The following FBLN5 variants were observed in gnomAD, a reference collection of about 807,000 sequenced individuals.
FBLN5 encodes fibulin-5.
FBLN5 carries 24 observed loss-of-function variants against 61.6 expected under a neutral mutation model. That is an observed-to-expected ratio of 0.39 (90% CI 0.28 to 0.55). The LOEUF (loss-of-function observed/expected upper bound fraction) is 0.55, where lower values mean the gene tolerates loss of function less well. FBLN5 is among the 20% of genes least tolerant of loss of function. The pLI is 0.65. For synonymous variants in FBLN5, 213 were observed against 219.8 expected (o/e 0.97, Z 0.27); for missense variants, 470 against 594.1 (o/e 0.79, Z 2.17).
intron 4 of FBLN5, among the ~76,000 whole-genome samples, chr14:91,898,138 A>C (rs1477239079): frequency 6.6e-6 from 1 of 152,166 alleles, no homozygotes. Flanking sequence ...TTTAACTTTC[A>C]CTAACTTGTT....
At chr14:91,887,445 CA>C (rs1442159677) in intron 6 of FBLN5, 133 bp from the exon 7 acceptor site, 1 of 922,340 alleles carries the variant, frequency 1.1e-6, no homozygotes, top group African/African-American at 1.6e-5. Context: ...GCTCTCCACC[CA>C]GGACCTTTGG....
At chr14:91,923,842 G>C (rs1400340916) in intron 4 of FBLN5, among the ~76,000 whole-genome samples, 1 of 152,170 alleles carries the variant, frequency 6.6e-6, no homozygotes, top group Non-Finnish European at 1.5e-5. Flanking sequence ...AAAGTGATCA[G>C]TCAATATTGT....
intron 4 of FBLN5, among the ~76,000 whole-genome samples, chr14:91,910,481 C>T (rs1448619482): frequency 6.6e-6 from 1 of 152,140 alleles, no homozygotes; most frequent in Non-Finnish European, 1.5e-5. Flanking sequence ...CCGCGCTGTG[C>T]ACTTGAAAAC....
Position 91,937,114 on chromosome 14 carries a change from C to T in FBLN5, c.212G>A (p.Arg71Gln), listed in dbSNP as rs121434300. Residue 71 changes from arginine to glutamine, a missense_variant, in exon 4 of 11, where the codon CGG (arginine) becomes CAG (glutamine). Arg to Gln is a conservative substitution (Grantham distance 43). Transcript: ENST00000342058. The stretch of plus-strand genomic sequence containing the variant: ...GGGCCCTCGATACACAGGGTTTGTC[C>T]GGGGAATGCATAAATACCCGCCATT... ...NQNGGYLCIP[R>Q]TNPVYRGPYS... 1.9e-5 allele frequency: 31 copies of T among 1,613,846 alleles called. No homozygotes were observed. Among genetic ancestry groups the T allele is most frequent in the African/African-American group, 2.7e-5 (2 of 74,824 alleles).
At chr14:91,896,306 G>A (rs1314842037) in intron 4 of FBLN5, among the ~76,000 whole-genome samples, 2 of 152,074 alleles carry the variant, frequency 1.3e-5, no homozygotes, top group African/African-American at 2.4e-5. Context: ...GTGCCTCCTG[G>A]ATCTGCCTGG....
At chr14:91,942,232 C>G (rs1312273325) in intron 2 of FBLN5, 1 of 454,372 alleles carries the variant, frequency 2.2e-6, no homozygotes, top group Non-Finnish European at 4.4e-6. Flanking sequence ...CCCTAAGGCC[C>G]TGAGCCTGGC....
intron 4 of FBLN5, among the ~76,000 whole-genome samples, chr14:91,911,516 G>A (rs1282657834): frequency 6.6e-6 from 1 of 152,198 alleles, no homozygotes; most frequent in Non-Finnish European, 1.5e-5. Flanking sequence ...AGGAAGAGAA[G>A]GGAGTGTGAG....
chr14:91,913,660 T>C (rs1302765819), intron 4 of FBLN5, among the ~76,000 whole-genome samples: 1 of 152,358 alleles, frequency 6.6e-6, no homozygotes, highest in Middle Eastern at 3.4e-3. Flanking sequence ...GCCTGGTCAA[T>C]AGATGTTCAC....
intron 4 of FBLN5, among the ~76,000 whole-genome samples, chr14:91,905,206 G>A (rs1244627385): frequency 1.3e-5 from 2 of 152,074 alleles, no homozygotes; most frequent in African/African-American, 2.4e-5. Flanking sequence ...CACCACTTCC[G>A]ATCCCATCAC....
In FBLN5 at chr14:91,882,488, C is replaced by T. The variant is rs1314720918; in HGVS notation, c.862+466G>A. On this transcript the variant is annotated intron_variant, in intron 8 of 10. Coordinates refer to ENST00000342058, the MANE Select transcript of FBLN5 (RefSeq NM_006329.4). This position sits in a 1 kb window ranked among gnomAD's most constrained non-coding sequence, Gnocchi z 4.9. The stretch of plus-strand genomic sequence containing the variant: ...TCTGGGGTCCCAGCCCTTGCAGGAA[C>T]AGAGCAGTCAGGTGCATGAGGTCTC... Among the ~76,000 whole-genome samples, 3 of 152,216 alleles carry T rather than the reference C, an allele frequency of 2.0e-5. No individual in the cohort carries two copies. Among genetic ancestry groups the T allele is most frequent in the African/African-American group, 7.2e-5 (3 of 41,472 alleles).
At chr14:91,895,879 A>G (rs536141671) in intron 4 of FBLN5, among the ~76,000 whole-genome samples, 83 of 151,720 alleles carry the variant, frequency 5.5e-4, no homozygotes, top group South Asian at 4.4e-3. Context: ...ACCCGTGAAA[A>G]TCTTTCGGTC....
intron 2 of FBLN5, among the ~76,000 whole-genome samples, chr14:91,940,829 G>A (rs560061222): frequency 3.9e-4 from 60 of 152,222 alleles, no homozygotes; most frequent in African/African-American, 1.3e-3. Context: ...ACCAGGCCAG[G>A]CGCAGTGGCT....
At chr14:91,937,481 C>T (rs2056038825) in intron 3 of FBLN5, among the ~76,000 whole-genome samples, 1 of 152,112 alleles carries the variant, frequency 6.6e-6, no homozygotes, top group Non-Finnish European at 1.5e-5. Flanking sequence ...CATATTGAAA[C>T]TTAATCCCCA....
intron 4 of FBLN5, among the ~76,000 whole-genome samples, chr14:91,931,483 C>T (rs2055922681): frequency 6.6e-6 from 1 of 152,212 alleles, no homozygotes; most frequent in Non-Finnish European, 1.5e-5. Flanking sequence ...ACACCACCCA[C>T]CTTCCAAAAG....
intron 9 of FBLN5, chr14:91,877,970 T>C (rs1195810710): frequency 3.8e-6 from 2 of 528,354 alleles, no homozygotes; most frequent in South Asian, 1.5e-5. Context: ...TTCTCCAAGA[T>C]ACTTTACATT....
rs538294764 is a variant in FBLN5 at position 91,892,775 on chromosome 14, C to T, written c.503-1438G>A. ...CTGACCCCTCATTTTTCTGCAAAAG[C>T]AGCATCTTCAGTGGTACACAGAACA... On this transcript the variant is annotated intron_variant, in intron 5 of 10. Coordinates refer to ENST00000342058, the MANE Select transcript of FBLN5 (RefSeq NM_006329.4). Among the ~76,000 whole-genome samples the T allele has an allele frequency of 3.9e-4, 59 of 152,350 alleles. No individual in the cohort carries two copies. In the South Asian group the frequency reaches 0.012, roughly 31 times the overall value.
chr14:91,946,798 G>A lies in FBLN5; in HGVS notation c.17+415C>T. The A allele has an allele frequency of 3.9e-6, 6 of 1,535,698 alleles. 1 individual carries two copies. In the South Asian group the frequency reaches 7.1e-5, roughly 18 times the overall value. ...AAACATAGAGCAAATCCAGCCCCGC[G>A]GTGTTCAGCTAGCCTGTCTGCTTGT... On this transcript the variant is annotated intron_variant, in intron 1 of 10. Transcript: ENST00000342058.
chr14:91,883,251 G>A (rs1487355194), intron 7 of FBLN5, among the ~76,000 whole-genome samples, 175 bp from the exon 8 acceptor site: 2 of 152,198 alleles, frequency 1.3e-5, no homozygotes, highest in Non-Finnish European at 2.9e-5. Context: ...ACTACCTACT[G>A]AGGATAACCA....
intron 4 of FBLN5, among the ~76,000 whole-genome samples, chr14:91,916,571 G>T (rs978124113): frequency 3.3e-5 from 5 of 152,126 alleles, no homozygotes; most frequent in African/African-American, 7.2e-5. Context: ...TTCTTTGGGG[G>T]CAGTATCAGT....
Sources: gnomAD v4.1 joint callset for allele counts (sites outside exome capture counted in the v4.1 genomes callset) on GRCh38, gnomAD v4.1.1 for gene constraint, Gnocchi (gnomAD v3.1) non-coding constraint, MANE v1.5 for transcripts, NCBI Gene and HGNC (gene_info 2026-07-23, HGNC 2026-07-21) for gene names.